The following USH2A variants were observed in gnomAD, a reference collection of about 807,000 sequenced individuals.
USH2A encodes the protein usherin.
A neutral mutation model predicts 538.9 loss-of-function variants in USH2A; 443 were observed. The observed-to-expected ratio is 0.82, with a 90% CI of 0.76 to 0.89. The LOEUF is 0.89. Among genes scored for constraint, USH2A ranks in the 40% least tolerant of loss-of-function variants. The pLI is 0.00. For missense variants in USH2A, 6,633 were observed against 6,324.8 expected, an observed-to-expected ratio of 1.05 and a Z score of -1.65; for synonymous variants, 2,413 against 2,273.5, an observed-to-expected ratio of 1.06 and a Z score of -1.75.
In USH2A at chr1:216,397,746, G is replaced by A. The variant is rs1041187845; in HGVS notation, c.651+20768C>T. On this transcript the variant is annotated intron_variant, in intron 3 of 71. Transcript: ENST00000307340. ...CCTTAGACTATGGGATGCACTGTCA[G>A]CTTCCCTGGTTTTGAAGCTTTGGGA... 2.0e-5 allele frequency among the ~76,000 whole-genome samples: 3 copies of A among 152,356 alleles called. No homozygotes were observed. The East Asian group carries it at 5.8e-4, about 29-fold the overall frequency.
At chr1:216,054,238 C>T (rs1458256833) in intron 30 of USH2A, among the ~76,000 whole-genome samples, 1 of 152,212 alleles carries the variant, frequency 6.6e-6, no homozygotes, top group Non-Finnish European at 1.5e-5. Flanking sequence ...CACCACGCCC[C>T]TTCCAGGGAA....
chr1:216,116,716 C>T (rs867416340), intron 21 of USH2A, among the ~76,000 whole-genome samples: 1 of 152,106 alleles, frequency 6.6e-6, no homozygotes, highest in Non-Finnish European at 1.5e-5. Flanking sequence ...TCTGACCCTA[C>T]ATTTTGGATA....
Position 216,418,615 on chromosome 1 carries a change from T to G in USH2A, c.550A>C (p.Thr184Pro). 1 of 1,613,402 alleles carries G rather than the reference T, an allele frequency of 6.2e-7. No individual in the cohort carries two copies. Among genetic ancestry groups the G allele is most frequent in the Non-Finnish European group, 8.5e-7 (1 of 1,179,596 alleles). The change falls in exon 3 of 72, where the codon ACC becomes CCC. Residue 184 changes from threonine to proline, a missense_variant. Physicochemically the swap from Thr to Pro is conservative, Grantham distance 38. Transcript: ENST00000307340. ...VFKLTISEKE[T>P]MFYYRTVNGL... ...TTTACTGTGCGATAATAAAACATGG[T>G]CTCTTTCTCAGATATTGTAAGTTTG... is the stretch of plus-strand genomic sequence containing the variant.
At chr1:215,657,596 A>G (rs1050909297) in intron 64 of USH2A, among the ~76,000 whole-genome samples, 67 of 152,210 alleles carry the variant, frequency 4.4e-4, no homozygotes, top group African/African-American at 1.5e-3. Context: ...ACACTTTTAC[A>G]GATATAGTCC....
At chr1:216,001,866 G>A (rs1433686075) in intron 32 of USH2A, among the ~76,000 whole-genome samples, 2 of 152,228 alleles carry the variant, frequency 1.3e-5, no homozygotes, top group Admixed American at 6.5e-5. Context: ...CAGTAAATAT[G>A]GTTACCTTAG....
At chr1:216,095,212 G>T (rs1398952925) in intron 22 of USH2A, among the ~76,000 whole-genome samples, 1 of 151,626 alleles carries the variant, frequency 6.6e-6, no homozygotes, top group East Asian at 1.9e-4. Context: ...TGTGCTTTTT[G>T]TTCTCCTTCC....
chr1:215,700,178 GC>G, intron 61 of USH2A, among the ~76,000 whole-genome samples: 1 of 152,278 alleles, frequency 6.6e-6, no homozygotes, highest in African/African-American at 2.4e-5. Flanking sequence ...TGGTGGATAA[GC>G]TTTATAATGT....
chr1:215,831,351 T>C (rs1049278571), intron 47 of USH2A, among the ~76,000 whole-genome samples: 1 of 152,124 alleles, frequency 6.6e-6, no homozygotes, highest in African/African-American at 2.4e-5. Flanking sequence ...AACACCATTA[T>C]CACTCAACTT....
chr1:216,099,851 G>A (rs1289441385), intron 21 of USH2A, among the ~76,000 whole-genome samples: 2 of 152,142 alleles, frequency 1.3e-5, no homozygotes, highest in African/African-American at 4.8e-5. Flanking sequence ...AACTTATGAT[G>A]CAGAAAACTC....
At chr1:216,277,779 C>G (rs1337213320) in intron 11 of USH2A, among the ~76,000 whole-genome samples, 2 of 152,096 alleles carry the variant, frequency 1.3e-5, no homozygotes, top group African/African-American at 4.8e-5. Context: ...ACACACACCT[C>G]TTTTGGACCA....
chr1:216,180,444 T>C (rs897787330), intron 20 of USH2A, among the ~76,000 whole-genome samples: 3 of 152,128 alleles, frequency 2.0e-5, no homozygotes, highest in Non-Finnish European at 4.4e-5. Flanking sequence ...ATATGCATTC[T>C]TTATGCAGCA....
In USH2A at chr1:216,325,456, CTA is replaced by C; in HGVS notation, c.990_991del (p.Asn330LysfsTer8). On this transcript the variant is annotated frameshift_variant, in exon 6 of 72. Coordinates refer to ENST00000307340, the MANE Select transcript of USH2A (RefSeq NM_206933.4). LOFTEE classifies it high-confidence loss of function. ...GGCTTCAGGATTCAACCGTGACACTCTATTATCAGCTGTGTCTCCTGCATCAT... is the reference window on the plus strand; with the variant it reads ...GGCTTCAGGATTCAACCGTGACACTCTTATCAGCTGTGTCTCCTGCATCAT... The C allele has an allele frequency of 6.2e-7, 1 of 1,613,944 alleles. No homozygotes were observed. Among genetic ancestry groups the C allele is most frequent in the Admixed American group, 1.7e-5 (1 of 59,972 alleles).
At chr1:215,807,353 C>A (rs12093631) in intron 49 of USH2A, among the ~76,000 whole-genome samples, 2,447 of 152,198 alleles carry the variant, frequency 0.016, 72 homozygotes, top group African/African-American at 0.056. Flanking sequence ...TGATTTATAG[C>A]AGCAATAGGA....
At chr1:216,240,952 G>C (rs1168418534) in intron 13 of USH2A, among the ~76,000 whole-genome samples, 1 of 152,134 alleles carries the variant, frequency 6.6e-6, no homozygotes, top group Non-Finnish European at 1.5e-5. Flanking sequence ...AACAAAACCT[G>C]ATAGATTTCT....
chr1:215,789,921 T>C (rs1661932416), intron 51 of USH2A, 138 bp downstream of exon 51: 2 of 769,076 alleles, frequency 2.6e-6, no homozygotes, highest in Non-Finnish European at 4.3e-6. Flanking sequence ...ACTCATTCGG[T>C]ATTAATATGG....
chr1:215,755,868 C>T (rs1273484851), intron 58 of USH2A, among the ~76,000 whole-genome samples: 2 of 151,982 alleles, frequency 1.3e-5, no homozygotes, highest in Non-Finnish European at 2.9e-5. Flanking sequence ...AAACATGATA[C>T]ATTAAACATT....
intron 27 of USH2A, among the ~76,000 whole-genome samples, chr1:216,077,546 G>A (rs2031791842): frequency 6.7e-6 from 1 of 148,844 alleles, no homozygotes; most frequent in Admixed American, 6.8e-5. Flanking sequence ...CAACATATGA[G>A]GAAATACATT....
At chr1:215,918,293 C>G (rs532723733) in intron 38 of USH2A, among the ~76,000 whole-genome samples, 5 of 151,998 alleles carry the variant, frequency 3.3e-5, no homozygotes, top group Non-Finnish European at 7.4e-5. Flanking sequence ...ATAATTCTTA[C>G]GTTGAAATTC....
At chr1:215,847,661 G>GA (rs1035036074) in intron 44 of USH2A, among the ~76,000 whole-genome samples, 1 of 150,242 alleles carries the variant, frequency 6.7e-6, no homozygotes. Context: ...AAAAAAAAAA[G>GA]AAAAAAAGTT....
Sources: allele counts gnomAD v4.1 joint callset (sites outside exome capture counted in the v4.1 genomes callset), GRCh38; gene constraint gnomAD v4.1.1; transcripts MANE v1.5; gene names NCBI Gene and HGNC (gene_info 2026-07-23, HGNC 2026-07-21).